The following FMO2 variants were observed in gnomAD, a reference collection of about 807,000 sequenced individuals.
FMO2 encodes the protein flavin-containing monooxygenase 2.
Under a neutral mutation model 41.6 loss-of-function variants are expected in FMO2, and 33 were observed. The ratio of observed to expected loss-of-function variants is 0.79; its 90% CI spans 0.60 to 1.06. FMO2 has a LOEUF of 1.06. Among genes scored for constraint, FMO2 ranks in the 50% least tolerant of loss-of-function variants. The pLI is 0.00. For missense variants in FMO2, 619 were observed against 632.9 expected (o/e 0.98, Z 0.23); for synonymous variants, 214 against 219.6 (o/e 0.97, Z 0.23).
At position 171,210,454 on chromosome 1, in the gene FMO2, A is replaced by C. The variant is rs1269348782; in HGVS notation, c.*1309A>C. The stretch of plus-strand genomic sequence containing the variant: ...TATACTGGTCTGTTAGCAGAGACAA[A>C]CTTTTTTTAGAATTGAAGTCTGAAA... On this transcript the variant is annotated 3_prime_UTR_variant, in exon 9 of 9. Transcript: ENST00000209929. 1 of 152,224 alleles carries C rather than the reference A, an allele frequency of 6.6e-6. No individual in the cohort carries two copies. The highest frequency in any genetic ancestry group is 1.5e-5 in the Non-Finnish European group (1 of 68,038). 9.4% of individuals were successfully genotyped at this position (152,224 alleles called of 1,614,324 possible).
chr1:171,206,670 C>A (rs1007949662), intron 7 of FMO2, among the ~76,000 whole-genome samples: 1 of 152,102 alleles, frequency 6.6e-6, no homozygotes, highest in Non-Finnish European at 1.5e-5. Flanking sequence ...CAGCCCGGGG[C>A]ACCAATGAAG....
In FMO2 at chr1:171,209,218, A is replaced by C. The variant is rs1658883669; in HGVS notation, c.*73A>C. The C allele has an allele frequency of 7.1e-6, 3 of 421,836 alleles. No individual in the cohort carries two copies. Among genetic ancestry groups the C allele is most frequent in the Non-Finnish European group, 1.2e-5 (3 of 240,062 alleles). 26.1% of individuals were successfully genotyped at this position (421,836 alleles called of 1,614,324 possible). ...AAAGAAAAAAAAAAAGGCTAGAAGA[A>C]AAAACATTACATTCATGTTCTAATT... On this transcript the variant is annotated 3_prime_UTR_variant, in exon 9 of 9. Transcript: ENST00000209929.
At position 171,209,790 on chromosome 1, in the gene FMO2, G is replaced by A. The variant is rs1302301842; in HGVS notation, c.*645G>A. ...AAATTAAAATTAAAATGCCATAATA[G>A]CTACCTAACAAATATATATGTTTAA... On this transcript the variant is annotated 3_prime_UTR_variant, in exon 9 of 9. Coordinates refer to ENST00000209929, the MANE Select transcript of FMO2 (RefSeq NM_001460.5). 4 of 152,110 alleles carry A rather than the reference G, an allele frequency of 2.6e-5. No individual in the cohort carries two copies. Among genetic ancestry groups the A allele is most frequent in the Non-Finnish European group, 4.4e-5 (3 of 68,024 alleles). 9.4% of individuals were successfully genotyped at this position (152,110 alleles called of 1,614,324 possible).
chr1:171,196,267 C>G (rs1287968640), intron 3 of FMO2, among the ~76,000 whole-genome samples: 1 of 152,130 alleles, frequency 6.6e-6, no homozygotes, highest in East Asian at 1.9e-4. Context: ...AAGGGTGATG[C>G]CAGTCTGAGA....
At chr1:171,202,914 T>A (rs1042963935) in intron 5 of FMO2, among the ~76,000 whole-genome samples, 5 of 152,208 alleles carry the variant, frequency 3.3e-5, no homozygotes, top group African/African-American at 1.2e-4. Context: ...AAAATATACA[T>A]TTGAAAAGAG....
intron 8 of FMO2, 54 bp downstream of exon 8, chr1:171,207,844 A>C: frequency 8.6e-7 from 1 of 1,168,934 alleles, no homozygotes; most frequent in Non-Finnish European, 1.3e-6. Flanking sequence ...AAGTACAGTG[A>C]TCTAACTACT....
chr1:171,196,342 G>C (rs935497960), intron 3 of FMO2, among the ~76,000 whole-genome samples: 3 of 152,208 alleles, frequency 2.0e-5, no homozygotes, highest in African/African-American at 7.2e-5. Flanking sequence ...GATGGTCTTT[G>C]TGTAAGGTGG....
intron 2 of FMO2, among the ~76,000 whole-genome samples, chr1:171,190,558 G>T (rs1403082031): frequency 2.6e-5 from 4 of 152,120 alleles, no homozygotes; most frequent in African/African-American, 9.7e-5. Context: ...AAGTTCAAGT[G>T]CATTTTAATA....
intron 4 of FMO2, among the ~76,000 whole-genome samples, chr1:171,198,305 A>G (rs971825261): frequency 4.6e-5 from 7 of 151,840 alleles, no homozygotes; most frequent in Non-Finnish European, 8.8e-5. Flanking sequence ...GTTTTTGTTT[A>G]CTTTTTGAAA....
intron 6 of FMO2, 50 bp from the exon 7 acceptor site, chr1:171,205,229 G>C: frequency 8.3e-7 from 1 of 1,211,930 alleles, no homozygotes; most frequent in Non-Finnish European, 1.2e-6. Context: ...GAGGGTTCAA[G>C]ATTCCTCAGC....
At chr1:171,202,399 G>A (rs942183752) in intron 5 of FMO2, among the ~76,000 whole-genome samples, 1 of 152,136 alleles carries the variant, frequency 6.6e-6, no homozygotes. Flanking sequence ...GCTTGGTATA[G>A]GTGCTACTTC....
At chr1:171,193,897 G>C (rs556196350) in intron 3 of FMO2, among the ~76,000 whole-genome samples, 1 of 151,498 alleles carries the variant, frequency 6.6e-6, no homozygotes, top group Non-Finnish European at 1.5e-5. Flanking sequence ...CTCCTGCCTC[G>C]GCCTCCAGAG....
intron 3 of FMO2, 134 bp from the exon 4 acceptor site, chr1:171,196,515 G>T: frequency 3.0e-6 from 2 of 658,150 alleles, no homozygotes; most frequent in Admixed American, 3.0e-5. Context: ...TCCTTATTCA[G>T]TATTCAACAC....
chr1:171,207,021 G>T (rs999267860), intron 7 of FMO2, among the ~76,000 whole-genome samples: 27 of 152,282 alleles, frequency 1.8e-4, no homozygotes, highest in Middle Eastern at 3.4e-3. Flanking sequence ...TGAATACAGA[G>T]GGGGTGTGCA....
At position 171,193,596 on chromosome 1, in the gene FMO2, T is replaced by C. The variant is rs16864165; in HGVS notation, c.321+73T>C. ...TATTTAGATAGAAAAGTTACTCTGA[T>C]AATGAAAGCAATTATGAATGAAGTA... On this transcript the variant is annotated intron_variant, in intron 3 of 8. Coordinates refer to ENST00000209929, the MANE Select transcript of FMO2 (RefSeq NM_001460.5). The C allele has an allele frequency of 7.1e-6, 7 of 988,282 alleles. No homozygotes were observed. The Admixed American group carries it at 9.7e-5, about 14-fold the overall frequency. The allele number at this position is 988,282 out of a possible 1,614,324, so 61.2% of individuals were successfully genotyped here.
At chr1:171,189,329 G>A (rs944855214) in intron 2 of FMO2, among the ~76,000 whole-genome samples, 13 of 151,890 alleles carry the variant, frequency 8.6e-5, no homozygotes, top group Admixed American at 7.2e-4. Context: ...TCTCAATCTT[G>A]GTTTTCTTCC....
intron 3 of FMO2, among the ~76,000 whole-genome samples, chr1:171,195,306 T>G (rs1219854641): frequency 6.6e-6 from 1 of 152,212 alleles, no homozygotes; most frequent in Non-Finnish European, 1.5e-5. Context: ...CTTCTCAAAC[T>G]TTAATGTGGA....
At chr1:171,195,675 A>G (rs1658279047) in intron 3 of FMO2, among the ~76,000 whole-genome samples, 1 of 152,214 alleles carries the variant, frequency 6.6e-6, no homozygotes, top group African/African-American at 2.4e-5. Flanking sequence ...TGCAAATGAG[A>G]AGCATGCCAT....
intron 5 of FMO2, among the ~76,000 whole-genome samples, chr1:171,201,064 A>G (rs965726738): frequency 1.3e-5 from 2 of 152,182 alleles, no homozygotes; most frequent in African/African-American, 4.8e-5. Context: ...AGGAAGACTT[A>G]TGGTGTGAGA....
Sources: gnomAD v4.1 joint callset for allele counts (sites outside exome capture counted in the v4.1 genomes callset) on GRCh38, gnomAD v4.1.1 for gene constraint, MANE v1.5 for transcripts, NCBI Gene and HGNC (gene_info 2026-07-23, HGNC 2026-07-21) for gene names.